The following FOXO3 variants were observed in gnomAD, a reference collection of about 807,000 sequenced individuals.
FOXO3 encodes the protein forkhead box O3.
In FOXO3, 4 loss-of-function variants were observed where a neutral mutation model predicts 41.9. The observed-to-expected ratio is 0.10, with a 90% CI of 0.05 to 0.22. The LOEUF (loss-of-function observed/expected upper bound fraction) is 0.22. Ranked by LOEUF, FOXO3 falls within the 10% of genes least tolerant of loss-of-function variation. The pLI is 1.00. For missense variants in FOXO3, 534 were observed against 906.8 expected (o/e 0.59, Z 5.28); for synonymous variants, 318 against 389.3 (o/e 0.82, Z 2.16).
Position 108,656,505 on chromosome 6 carries a change from C to G in FOXO3, c.622-6950C>G, listed in dbSNP as rs914883985. On this transcript the variant is annotated intron_variant, in intron 1 of 2. Transcript: ENST00000406360. ...TTCCTGGAAGGGGCCGCCCTGGAACCTTTTGGCTTAAAGTATATGATGCTC... is the reference window on the plus strand; with the variant it reads ...TTCCTGGAAGGGGCCGCCCTGGAACGTTTTGGCTTAAAGTATATGATGCTC... 3.0e-6 allele frequency: 3 copies of G among 985,186 alleles called. No homozygotes were observed. In the African/African-American group the frequency reaches 5.2e-5, roughly 17 times the overall value. The allele number at this position is 985,186 out of a possible 1,614,324, so 61.0% of individuals were successfully genotyped here. A position where few individuals can be genotyped will look rare whatever the true frequency, so the allele number is the denominator to read the frequency against.
intron 1 of FOXO3, among the ~76,000 whole-genome samples, chr6:108,562,781 G>A (rs1400899213): frequency 6.6e-6 from 1 of 152,184 alleles, no homozygotes; most frequent in African/African-American, 2.4e-5. Flanking sequence ...GGTGTGGAAA[G>A]GCCTATGATG....
chr6:108,613,221 G>A (rs1777410177), intron 1 of FOXO3, among the ~76,000 whole-genome samples: 1 of 152,116 alleles, frequency 6.6e-6, no homozygotes, highest in South Asian at 2.1e-4. Flanking sequence ...TAATATCTTT[G>A]CCTGTTTTTG....
At chr6:108,661,321 CAA>C (rs1778853143) in intron 1 of FOXO3, among the ~76,000 whole-genome samples, 1 of 151,792 alleles carries the variant, frequency 6.6e-6, no homozygotes, top group African/African-American at 2.4e-5. Flanking sequence ...CCAATTTAAA[CAA>C]ATATATATAT....
chr6:108,582,138 A>G (rs1776437900), intron 1 of FOXO3, among the ~76,000 whole-genome samples: 1 of 152,238 alleles, frequency 6.6e-6, no homozygotes, highest in Admixed American at 6.5e-5. Flanking sequence ...TAACCCTCAC[A>G]GGAATAAAGG....
At position 108,561,423 on chromosome 6, in the gene FOXO3, G is replaced by C. The variant is rs1299667028; in HGVS notation, c.215G>C (p.Arg72Pro). 9.8e-6 allele frequency: 15 copies of C among 1,537,872 alleles called. No homozygotes were observed. In the African/African-American group the frequency reaches 1.9e-4, roughly 20 times the overall value. Residue 72 changes from arginine to proline, a missense_variant, in exon 1 of 3, where the codon CGG becomes CCG. By Grantham distance (103) the Arg-to-Pro change is moderately radical. Around this residue, in one of 8 missense-constraint regions of FOXO3, gnomAD observed 139 missense variants for 163.7 expected, o/e 0.85. Transcript: ENST00000406360. ...DDEDDEDGGG[R>P]AGSAMAIGGG... is the part of the protein sequence containing the mutation. ...GAAGACGACGAGGACGGCGGGGGAC[G>C]GGCCGGCTCGGCCATGGCGATCGGC...
intron 1 of FOXO3, among the ~76,000 whole-genome samples, chr6:108,604,281 C>T (rs1777131791): frequency 6.6e-6 from 1 of 152,132 alleles, no homozygotes; most frequent in Non-Finnish European, 1.5e-5. Context: ...AACTGGAAAA[C>T]GACAGTACGC....
chr6:108,612,718 C>T (rs1167927139), intron 1 of FOXO3, among the ~76,000 whole-genome samples: 1 of 151,822 alleles, frequency 6.6e-6, no homozygotes, highest in Non-Finnish European at 1.5e-5. Flanking sequence ...TTCTTCCTTT[C>T]TAATATATAC....
chr6:108,592,310 C>G (rs932364603), intron 1 of FOXO3, among the ~76,000 whole-genome samples: 2 of 151,800 alleles, frequency 1.3e-5, no homozygotes, highest in Non-Finnish European at 2.9e-5. Context: ...TGATTTGAAC[C>G]GAAAAAAGGG....
intron 1 of FOXO3, among the ~76,000 whole-genome samples, chr6:108,593,712 C>CTTTTTTTTTTTTTTTTT (rs34228633): frequency 4.8e-5 from 4 of 83,330 alleles, no homozygotes; most frequent in East Asian, 3.4e-4. Flanking sequence ...TTTTCTTCTT[C>CTTTTTTTTTTTTTTTTT]TTTTTTTTTT....
Position 108,664,761 on chromosome 6 carries a change from A to G in FOXO3, c.1928A>G (p.Asp643Gly). 6.9e-7 allele frequency: 1 copy of G among 1,443,322 alleles called. No individual in the cohort carries two copies. The highest frequency in any genetic ancestry group is 2.3e-5 in the East Asian group (1 of 44,006). 89.4% of individuals were successfully genotyped at this position (1,443,322 alleles called of 1,614,324 possible). The change falls in exon 2 of 3, where the codon GAT becomes GGT. Residue 643 changes from aspartate to glycine, a missense_variant. By Grantham distance (94) the Asp-to-Gly change is moderately conservative (BLOSUM62 -1). Around this residue, in one of 8 missense-constraint regions of FOXO3, gnomAD observed 94 missense variants for 214.4 expected, o/e 0.44. Transcript: ENST00000406360. ...GCTGATGGGTTGGATTTTAACTTTG[A>G]TTCCCTCATCTCCACACAGAATGTT... ...MDADGLDFNFDSLISTQNVVG... is the reference protein window; with the variant it reads ...MDADGLDFNFGSLISTQNVVG...
chr6:108,561,955 C>A, intron 1 of FOXO3, 126 bp downstream of exon 1: 1 of 1,361,012 alleles, frequency 7.3e-7, no homozygotes, highest in Non-Finnish European at 9.6e-7. Context: ...GGAGCCTCCG[C>A]TGCGAGGCTT....
chr6:108,578,423 A>C (rs527418081), intron 1 of FOXO3, among the ~76,000 whole-genome samples: 2 of 152,320 alleles, frequency 1.3e-5, no homozygotes, highest in South Asian at 4.1e-4. Flanking sequence ...GTATCTGTTG[A>C]AATATAACAA....
chr6:108,606,068 T>C (rs1777191443), intron 1 of FOXO3, among the ~76,000 whole-genome samples: 1 of 152,226 alleles, frequency 6.6e-6, no homozygotes, highest in Admixed American at 6.5e-5. Flanking sequence ...AAAGAAACTT[T>C]GGTGCGAAAC....
intron 1 of FOXO3, among the ~76,000 whole-genome samples, chr6:108,592,673 G>C (rs1244619320): frequency 6.6e-6 from 1 of 152,192 alleles, no homozygotes; most frequent in African/African-American, 2.4e-5. Flanking sequence ...GTGTTCCTCA[G>C]ATCATTGTAC....
Position 108,631,436 on chromosome 6 carries a change from C to A in FOXO3, c.622-32019C>A, listed in dbSNP as rs570672081. The stretch of plus-strand genomic sequence containing the variant: ...TCCACCTCTGGTCTACAGTTGCCTA[C>A]CCCGCAATCCATATGCAATTCTGCA... On this transcript the variant is annotated intron_variant, in intron 1 of 2. Transcript: ENST00000406360. Among the ~76,000 whole-genome samples, 4 of 152,214 alleles carry A rather than the reference C, an allele frequency of 2.6e-5. No homozygotes were observed. The South Asian group carries it at 8.3e-4, about 32-fold the overall frequency.
intron 1 of FOXO3, among the ~76,000 whole-genome samples, chr6:108,606,957 T>G (rs1777221431): frequency 6.6e-6 from 1 of 152,240 alleles, no homozygotes; most frequent in Non-Finnish European, 1.5e-5. Flanking sequence ...TTTTTGTTTT[T>G]GTTTTGTTAT....
At chr6:108,566,195 A>C (rs138919753) in intron 1 of FOXO3, among the ~76,000 whole-genome samples, 89 of 152,328 alleles carry the variant, frequency 5.8e-4, no homozygotes, top group African/African-American at 2.1e-3. Flanking sequence ...GTCCCATGTA[A>C]CAGAGACTCT....
upstream of FOXO3, among the ~76,000 whole-genome samples, chr6:108,560,421 TCCC>T (rs1186843784): frequency 2.0e-5 from 3 of 152,092 alleles, no homozygotes; most frequent in Admixed American, 6.5e-5. Context: ...GGGCTGCTGC[TCCC>T]CCTTCTTTCT....
Position 108,678,869 on chromosome 6 carries a change from C to CTTTTTT in FOXO3, c.*35-941_*35-936dup, listed in dbSNP as rs1156923290. On this transcript the variant is annotated intron_variant, in intron 2 of 2. Transcript: ENST00000406360. Reference sequence around the variant, plus strand: ...ATAGCAAGACCCCATTTCTTAAATTCTTTTTTTTTTTTTTTTTTTTTTGAG... The same window carrying CTTTTTT: ...ATAGCAAGACCCCATTTCTTAAATTCTTTTTTTTTTTTTTTTTTTTTTTTTTTTGAG... 7.3e-3 allele frequency among the ~76,000 whole-genome samples: 402 copies of CTTTTTT among 55,006 alleles called. 40 individuals are homozygous for CTTTTTT. Among genetic ancestry groups the CTTTTTT allele is most frequent in the African/African-American group, 0.015 (334 of 21,868 alleles). The allele number at this position is 55,006 out of a possible 152,430, so 36.1% of individuals were successfully genotyped here. A position where few individuals can be genotyped will look rare whatever the true frequency, so the allele number is the denominator to read the frequency against.
Sources: gnomAD v4.1 joint callset for allele counts (sites outside exome capture counted in the v4.1 genomes callset) on GRCh38, gnomAD v4.1.1 for gene constraint, gnomAD v4.1.1 regional missense constraint, MANE v1.5 for transcripts, NCBI Gene and HGNC (gene_info 2026-07-23, HGNC 2026-07-21) for gene names.